DPYSL2: variants seen among roughly 807,000 people sequenced by gnomAD.
The protein encoded by DPYSL2 is dihydropyrimidinase like 2, also known as dihydropyrimidinase-related protein 2.
In DPYSL2, 13 loss-of-function variants were observed where a neutral mutation model predicts 69.9. The ratio of observed to expected loss-of-function variants is 0.19; its 90% confidence interval spans 0.12 to 0.30. DPYSL2 has a LOEUF of 0.30. DPYSL2 is among the 10% of genes least tolerant of loss of function. DPYSL2 has a pLI of 1.00. For synonymous variants in DPYSL2, 326 were observed against 359.1 expected (o/e 0.91, Z 1.04); for missense variants, 587 against 918.9 (o/e 0.64, Z 4.67).
Position 26,643,327 on chromosome 8 carries a change from A to G in DPYSL2, c.1127-112A>G. On this transcript the variant is annotated intron_variant, in intron 8 of 13. Coordinates refer to ENST00000521913, the MANE Select transcript of DPYSL2 (RefSeq NM_001197293.3). This position sits in a 1 kb window ranked among gnomAD's most constrained non-coding sequence, Gnocchi z 6.5. Reference sequence around the variant, plus strand: ...GCGAGATGAGCCTGATATTTCCTATAAAGGGATAGTGAGTGCACTGGGTGC... The same window carrying G: ...GCGAGATGAGCCTGATATTTCCTATGAAGGGATAGTGAGTGCACTGGGTGC... The G allele has an allele frequency of 8.7e-7, 1 of 1,152,434 alleles. No homozygotes were observed. The highest frequency in any genetic ancestry group is 1.7e-5 in the South Asian group (1 of 59,686). The allele number at this position is 1,152,434 out of a possible 1,614,324, so 71.4% of individuals were successfully genotyped here.
chr8:26,617,756 T>G lies in DPYSL2; in HGVS notation c.629-6387T>G, dbSNP rs1027671509. On this transcript the variant is annotated intron_variant, in intron 3 of 13. Coordinates refer to ENST00000521913, the MANE Select transcript of DPYSL2 (RefSeq NM_001197293.3). This position sits in a 1 kb window ranked among gnomAD's most constrained non-coding sequence, Gnocchi z 4.7. Reference sequence around the variant, plus strand: ...GCAGACAGACGCACAAGACTACATCTTTTATGATTCCATTGATAGGAAATG... The same window carrying G: ...GCAGACAGACGCACAAGACTACATCGTTTATGATTCCATTGATAGGAAATG... 6.6e-6 allele frequency among the ~76,000 whole-genome samples: 1 copy of G among 152,210 alleles called. No individual in the cohort carries two copies. Among genetic ancestry groups the G allele is most frequent in the Non-Finnish European group, 1.5e-5 (1 of 68,048 alleles).
rs141203175 is a variant in DPYSL2, at chr8:26,546,217, G to A, written c.354+31538G>A. ...ACATAGATCTTGGATGTGTTTGTTAGACTTATACCTAAAGATTTCATTTCG... is the reference window on the plus strand; with the variant it reads ...ACATAGATCTTGGATGTGTTTGTTAAACTTATACCTAAAGATTTCATTTCG... On this transcript the variant is annotated intron_variant, in intron 1 of 13. Transcript: ENST00000521913. Among the ~76,000 whole-genome samples the A allele has an allele frequency of 1.3e-3, 197 of 152,288 alleles. 1 individual carries two copies. Among genetic ancestry groups the A allele is most frequent in the Non-Finnish European group, 1.9e-3 (127 of 68,012 alleles).
Position 26,654,675 on chromosome 8 carries a change from C to T in DPYSL2, c.1943-940C>T, listed in dbSNP as rs548806987. 6.4e-4 allele frequency among the ~76,000 whole-genome samples: 98 copies of T among 152,156 alleles called. No individual in the cohort carries two copies. Among genetic ancestry groups the T allele is most frequent in the African/African-American group, 2.3e-3 (95 of 41,490 alleles). ...GAAGAGGGCTATGTCCTCAGAAAAG[C>T]CACAGCCAATTTGACTAATCAGAAC... On this transcript the variant is annotated intron_variant, in intron 13 of 13. Transcript: ENST00000521913. The surrounding 1 kb of genome is among the most constrained non-coding windows in gnomAD (Gnocchi z 5.0).
chr8:26,528,606 C>A (rs1310196280), intron 1 of DPYSL2, among the ~76,000 whole-genome samples: 1 of 150,064 alleles, frequency 6.7e-6, no homozygotes, highest in Non-Finnish European at 1.5e-5. Flanking sequence ...AAGATCGCGC[C>A]ACTGCACTCC....
chr8:26,642,638 T>C lies in DPYSL2; in HGVS notation c.1127-801T>C, dbSNP rs1381238053. 2.6e-5 allele frequency among the ~76,000 whole-genome samples: 4 copies of C among 152,160 alleles called. No individual in the cohort carries two copies. Among genetic ancestry groups the C allele is most frequent in the Non-Finnish European group, 4.4e-5 (3 of 68,030 alleles). On this transcript the variant is annotated intron_variant, in intron 8 of 13. Transcript: ENST00000521913. The surrounding 1 kb of genome is among the most constrained non-coding windows in gnomAD (Gnocchi z 5.3). ...CGATTGTATTGAAGGCACTAAGGTA[T>C]TGGCATTCAGCGAATGTACATGAGT... is the stretch of plus-strand genomic sequence containing the variant.
chr8:26,535,595 C>G (rs1343747719), intron 1 of DPYSL2, among the ~76,000 whole-genome samples: 3 of 150,998 alleles, frequency 2.0e-5, no homozygotes, highest in African/African-American at 7.3e-5. Context: ...TATGTTTGGG[C>G]CCGTTTATAC....
rs924503853 is a variant in DPYSL2 at position 26,564,735 on chromosome 8, T to A, written c.355-17234T>A. On this transcript the variant is annotated intron_variant, in intron 1 of 13. Coordinates refer to ENST00000521913, the MANE Select transcript of DPYSL2 (RefSeq NM_001197293.3). The surrounding 1 kb of genome is among the most constrained non-coding windows in gnomAD (Gnocchi z 4.8). ...GTCTTCAGGGGAAGCTCTTCTGGAG[T>A]GATCTGTCCCAGTTTCTTTTTAAAA... Among the ~76,000 whole-genome samples the A allele has an allele frequency of 2.6e-5, 4 of 152,040 alleles. No homozygotes were observed. Among genetic ancestry groups the A allele is most frequent in the African/African-American group, 9.7e-5 (4 of 41,362 alleles).
At chr8:26,584,035 C>G in intron 3 of DPYSL2, 52 bp downstream of exon 3, 1 of 1,544,404 alleles carries the variant, frequency 6.5e-7, no homozygotes, top group South Asian at 1.2e-5. Context: ...TGAGAGTTTG[C>G]AAATAAGTCT....
chr8:26,538,540 C>A, intron 1 of DPYSL2, among the ~76,000 whole-genome samples: 1 of 152,172 alleles, frequency 6.6e-6, no homozygotes, highest in Non-Finnish European at 1.5e-5. Context: ...CAGCTTTCTC[C>A]CCATGGTCTT....
At chr8:26,636,757 T>C (rs1490677858) in intron 8 of DPYSL2, among the ~76,000 whole-genome samples, 1 of 152,130 alleles carries the variant, frequency 6.6e-6, no homozygotes, top group East Asian at 1.9e-4. Flanking sequence ...TATTTTATTT[T>C]TGAGATGGAG....
chr8:26,643,898 C>A lies in DPYSL2; in HGVS notation c.1284-52C>A, dbSNP rs376157493. ...AGACAGCCCACCAAATAGGTGTAGG[C>A]GCACAGCATCTTGACGAAGCTGCAG... On this transcript the variant is annotated intron_variant, in intron 9 of 13. Coordinates refer to ENST00000521913, the MANE Select transcript of DPYSL2 (RefSeq NM_001197293.3). This position sits in a 1 kb window ranked among gnomAD's most constrained non-coding sequence, Gnocchi z 6.5. 30 of 1,580,356 alleles carry A rather than the reference C, an allele frequency of 1.9e-5. No individual in the cohort carries two copies. The highest frequency in any genetic ancestry group is 1.6e-4 in the East Asian group (7 of 44,214).
Position 26,586,846 on chromosome 8 carries a change from T to C in DPYSL2, c.628+2863T>C, listed in dbSNP as rs1408074859. Among the ~76,000 whole-genome samples the C allele has an allele frequency of 6.6e-6, 1 of 152,190 alleles. No homozygotes were observed. The highest frequency in any genetic ancestry group is 1.5e-5 in the Non-Finnish European group (1 of 68,046). On this transcript the variant is annotated intron_variant, in intron 3 of 13. Transcript: ENST00000521913. The surrounding 1 kb of genome is among the most constrained non-coding windows in gnomAD (Gnocchi z 4.7). ...TTTGCACGGAGGCTGTGTGATGCGA[T>C]CTGGCTATAGAGTGGGGCATCCAAT...
chr8:26,549,200 T>TTAATAATAATAATAA (rs57336957), intron 1 of DPYSL2, among the ~76,000 whole-genome samples: 3,562 of 146,370 alleles, frequency 0.024, 64 homozygotes, highest in Admixed American at 0.042. Flanking sequence ...AAAAATTAAG[T>TTAATAATAATAATAA]TAATAATAAT....
chr8:26,519,957 A>G (rs2117598276), intron 1 of DPYSL2, among the ~76,000 whole-genome samples: 1 of 152,304 alleles, frequency 6.6e-6, no homozygotes, highest in South Asian at 2.1e-4. Flanking sequence ...GTAAAATGAT[A>G]TGGTTTGGCT....
At chr8:26,553,996 A>G (rs1800906928) in intron 1 of DPYSL2, among the ~76,000 whole-genome samples, 1 of 150,708 alleles carries the variant, frequency 6.6e-6, no homozygotes, top group Non-Finnish European at 1.5e-5. Context: ...GGTTCAAGCA[A>G]TTCTCTGCCT....
rs1385553625 is a variant in DPYSL2 at position 26,621,846 on chromosome 8, G to A, written c.629-2297G>A. Among the ~76,000 whole-genome samples, 3 of 152,134 alleles carry A rather than the reference G, an allele frequency of 2.0e-5. No individual in the cohort carries two copies. Among genetic ancestry groups the A allele is most frequent in the Admixed American group, 6.5e-5 (1 of 15,280 alleles). On this transcript the variant is annotated intron_variant, in intron 3 of 13. Coordinates refer to ENST00000521913, the MANE Select transcript of DPYSL2 (RefSeq NM_001197293.3). This position sits in a 1 kb window ranked among gnomAD's most constrained non-coding sequence, Gnocchi z 4.9. ...TACCTTGGAGAGATCAACTAGGACC[G>A]GATCTGACTGGCCAAGAGAAAGAGT...
intron 1 of DPYSL2, among the ~76,000 whole-genome samples, chr8:26,566,980 A>G (rs1033887837): frequency 6.6e-6 from 1 of 151,488 alleles, no homozygotes; most frequent in Non-Finnish European, 1.5e-5. Flanking sequence ...TCCACCCGTC[A>G]TCTGTCTATC....
Position 26,588,295 on chromosome 8 carries a change from G to A in DPYSL2, c.628+4312G>A, listed in dbSNP as rs1460042750. Among the ~76,000 whole-genome samples, 3 of 152,168 alleles carry A rather than the reference G, an allele frequency of 2.0e-5. No homozygotes were observed. Among genetic ancestry groups the A allele is most frequent in the Non-Finnish European group, 4.4e-5 (3 of 68,030 alleles). On this transcript the variant is annotated intron_variant, in intron 3 of 13. Transcript: ENST00000521913. The surrounding 1 kb of genome is among the most constrained non-coding windows in gnomAD (Gnocchi z 5.4). ...GCGTGGCTGGCGGACTGTGTGCTTT[G>A]TGTGTTGCTTCTGGGGGCGGCATCT...
chr8:26,548,433 CT>C, intron 1 of DPYSL2: 1 of 169,340 alleles, frequency 5.9e-6, no homozygotes. Context: ...AAATAAATGA[CT>C]TATACTTTGT....
Sources: gnomAD v4.1 joint callset for allele counts (sites outside exome capture counted in the v4.1 genomes callset) on GRCh38, gnomAD v4.1.1 for gene constraint, Gnocchi (gnomAD v3.1) non-coding constraint, MANE v1.5 for transcripts, NCBI Gene and HGNC (gene_info 2026-07-23, HGNC 2026-07-21) for gene names.